The following CENPE variants were observed in gnomAD, a reference collection of about 807,000 sequenced individuals.
CENPE encodes centromere protein E, also known as centromere-associated protein E.
Under a neutral mutation model 336.1 loss-of-function variants are expected in CENPE, and 145 were observed. The observed-to-expected ratio is 0.43, with a 90% CI of 0.38 to 0.50. The LOEUF (loss-of-function observed/expected upper bound fraction) is 0.50, where lower values mean the gene tolerates loss of function less well. CENPE is among the 20% of genes least tolerant of loss of function. The pLI is 0.00. For synonymous variants in CENPE, 1,013 were observed against 984.8 expected, an observed-to-expected ratio of 1.03 and a Z score of -0.54; for missense variants, 2,719 against 3,023.3, an observed-to-expected ratio of 0.90 and a Z score of 2.36.
At chr4:103,109,214 A>G (rs1749174429) in intron 47 of CENPE, 125 bp from the exon 48 acceptor site, 1 of 795,592 alleles carries the variant, frequency 1.3e-6, no homozygotes, top group Non-Finnish European at 1.8e-6. Context: ...TGTACATTTT[A>G]TCACATTTAC....
At chr4:103,129,666 G>A (rs1044506519) in intron 42 of CENPE, among the ~76,000 whole-genome samples, 23 of 152,072 alleles carry the variant, frequency 1.5e-4, no homozygotes, top group African/African-American at 4.3e-4. Context: ...AGAGGTTGCC[G>A]TGTGCCGAGA....
In CENPE at chr4:103,142,234, G is replaced by C. The variant is rs367766078; in HGVS notation, c.5305-326C>G. Among the ~76,000 whole-genome samples the C allele has an allele frequency of 5.3e-5, 8 of 152,156 alleles. No homozygotes were observed. The East Asian group carries it at 1.5e-3, about 29-fold the overall frequency. ...AAATCACTACAATAAATAACCTGTG[G>C]CATATGTATACGTTGTGTTTGTATA... On this transcript the variant is annotated intron_variant, in intron 34 of 48. Transcript: ENST00000265148.
In CENPE at chr4:103,122,713, G is replaced by C. The variant is rs186092158; in HGVS notation, c.7143+158C>G. Among the ~76,000 whole-genome samples the C allele has an allele frequency of 1.5e-4, 23 of 152,258 alleles. No homozygotes were observed. In the East Asian group the frequency reaches 4.4e-3, roughly 29 times the overall value. On this transcript the variant is annotated intron_variant, in intron 43 of 48. Transcript: ENST00000265148. ...AATGTCTAGCTTTATAATTAGTTTA[G>C]TTGAACGATAGCCATAGTAGAACTA...
chr4:103,154,288 T>G (rs930844264), intron 24 of CENPE, among the ~76,000 whole-genome samples: 2 of 151,232 alleles, frequency 1.3e-5, no homozygotes, highest in African/African-American at 2.4e-5. Flanking sequence ...CATTAAAGGT[T>G]TTTTTTTTGT....
At chr4:103,154,976 C>T (rs140360669) in intron 24 of CENPE, among the ~76,000 whole-genome samples, 140 of 152,238 alleles carry the variant, frequency 9.2e-4, no homozygotes, top group Middle Eastern at 6.8e-3. Context: ...TCCCCATTTC[C>T]ACTCTTTTAT....
intron 33 of CENPE, 68 bp downstream of exon 33, chr4:103,144,263 C>A: frequency 7.1e-7 from 1 of 1,399,602 alleles, no homozygotes; most frequent in Non-Finnish European, 9.7e-7. Flanking sequence ...CCCACCAACC[C>A]TATGGCAGAT....
chr4:103,126,711 A>G (rs1402444755), intron 42 of CENPE, among the ~76,000 whole-genome samples: 1 of 152,234 alleles, frequency 6.6e-6, no homozygotes, highest in Non-Finnish European at 1.5e-5. Flanking sequence ...ACAAATAAAC[A>G]ATGTAAGAAG....
intron 24 of CENPE, among the ~76,000 whole-genome samples, chr4:103,154,236 A>G (rs1753785974): frequency 6.6e-6 from 1 of 152,022 alleles, no homozygotes; most frequent in African/African-American, 2.4e-5. Flanking sequence ...TTCACACAAC[A>G]AACTATTAGA....
Position 103,159,151 on chromosome 4 carries a change from T to C in CENPE, c.2460A>G (p.Gln820=), listed in dbSNP as rs772993842. ...SNYKSTDQEF[Q]NFKTLHMDFE... is the part of the protein sequence containing the mutation. Reference sequence around the variant, plus strand: ...AGTCCATATGAAGGGTTTTGAAATTTTGGAATTCTTGATCAGTGCTTTTAT... The same window carrying C: ...AGTCCATATGAAGGGTTTTGAAATTCTGGAATTCTTGATCAGTGCTTTTAT... Residue 820 remains glutamine, a synonymous_variant, in exon 22 of 49, where the codon CAA becomes CAG. Coordinates refer to ENST00000265148, the MANE Select transcript of CENPE (RefSeq NM_001813.3). 1.2e-6 allele frequency: 2 copies of C among 1,610,180 alleles called. No homozygotes were observed. Among genetic ancestry groups the C allele is most frequent in the Non-Finnish European group, 1.7e-6 (2 of 1,178,588 alleles).
Position 103,133,733 on chromosome 4 carries a change from C to A in CENPE, c.6682G>T (p.Asp2228Tyr). Residue 2228 changes from aspartate (D) to tyrosine (Y), a missense_variant, in exon 41 of 49, where the codon GAT becomes TAT. Coordinates refer to ENST00000265148, the MANE Select transcript of CENPE (RefSeq NM_001813.3). ...TCCATATTCTGGTTCAATTTGAGAT[C>A]CCTTAATTCTCTGGATGGTACATCA... ...DCDVPSRELR[D>Y]LKLNQNMDLH... The A allele has an allele frequency of 1.2e-6, 2 of 1,608,614 alleles. No homozygotes were observed. Among genetic ancestry groups the A allele is most frequent in the Non-Finnish European group, 1.7e-6 (2 of 1,177,486 alleles).
chr4:103,117,620 TCC>T (rs1491443473), intron 44 of CENPE, among the ~76,000 whole-genome samples: 12 of 146,748 alleles, frequency 8.2e-5, no homozygotes, highest in Admixed American at 4.7e-4. Context: ...TCATTTTCTT[TCC>T]TTTTTTTTTT....
chr4:103,160,902 T>C, intron 20 of CENPE, 123 bp from the exon 21 acceptor site: 1 of 1,002,636 alleles, frequency 1.0e-6, no homozygotes, highest in South Asian at 1.8e-5. Flanking sequence ...TAATCCCTTA[T>C]GATTTGAAAC....
At chr4:103,121,735 T>A (rs1190413496) in intron 43 of CENPE, among the ~76,000 whole-genome samples, 3 of 151,878 alleles carry the variant, frequency 2.0e-5, no homozygotes, top group Non-Finnish European at 4.4e-5. Flanking sequence ...AAAACACTTT[T>A]TTTTTTGTAG....
At chr4:103,130,969 T>C (rs1751540678) in intron 42 of CENPE, among the ~76,000 whole-genome samples, 1 of 150,476 alleles carries the variant, frequency 6.6e-6, no homozygotes, top group African/African-American at 2.4e-5. Context: ...GATGGATCAT[T>C]GGTTTAAATG....
intron 24 of CENPE, among the ~76,000 whole-genome samples, chr4:103,155,644 C>T (rs963715410): frequency 1.3e-5 from 2 of 151,914 alleles, no homozygotes; most frequent in African/African-American, 4.8e-5. Flanking sequence ...ATGCCTTTGG[C>T]CTATGGTTAT....
intron 16 of CENPE, among the ~76,000 whole-genome samples, chr4:103,170,891 T>G (rs923404484): frequency 2.0e-5 from 3 of 152,144 alleles, no homozygotes; most frequent in Non-Finnish European, 4.4e-5. Context: ...GAAGCTATAC[T>G]TATATCAGCT....
At chr4:103,153,673 TAC>T (rs1187303208) in intron 24 of CENPE, among the ~76,000 whole-genome samples, 3 of 152,232 alleles carry the variant, frequency 2.0e-5, no homozygotes, top group Non-Finnish European at 2.9e-5. Context: ...CTTTAGTTTG[TAC>T]ACATCTTCCA....
intron 8 of CENPE, among the ~76,000 whole-genome samples, chr4:103,191,218 C>T (rs1578695674): frequency 6.6e-6 from 1 of 152,270 alleles, no homozygotes; most frequent in East Asian, 1.9e-4. Flanking sequence ...ACTACTTCAG[C>T]CATTGTGGAA....
At chr4:103,182,519 G>A (rs1189594482) in intron 11 of CENPE, among the ~76,000 whole-genome samples, 2 of 152,136 alleles carry the variant, frequency 1.3e-5, no homozygotes, top group East Asian at 3.8e-4. Flanking sequence ...CAAAAAGTGA[G>A]TTATTTTAAA....
Sources: allele counts gnomAD v4.1 joint callset (sites outside exome capture counted in the v4.1 genomes callset), GRCh38; gene constraint gnomAD v4.1.1; transcripts MANE v1.5; gene names NCBI Gene and HGNC (gene_info 2026-07-23, HGNC 2026-07-21).